ACCSL: variants seen among roughly 807,000 people sequenced by gnomAD.
The protein encoded by ACCSL is 1-aminocyclopropane-1-carboxylate synthase homolog (inactive) like, also known as probable inactive 1-aminocyclopropane-1-carboxylate synthase-like protein 2.
Under a neutral mutation model 61.7 loss-of-function variants are expected in ACCSL, and 55 were observed. The observed-to-expected ratio is 0.89, with a 90% confidence interval of 0.72 to 1.12. ACCSL has a LOEUF of 1.12. Among genes scored for constraint, ACCSL ranks in the 50% most tolerant of loss-of-function variants. The pLI is 0.00. For synonymous variants in ACCSL, 258 were observed against 264.3 expected (o/e 0.98, Z 0.23); for missense variants, 632 against 698.0 (o/e 0.91, Z 1.07).
At chr11:43,972,873 G>C in the ACCSL span, among the ~76,000 whole-genome samples, 1 of 152,172 alleles carries the variant, frequency 6.6e-6, no homozygotes, top group Non-Finnish European at 1.5e-5. Context: ...TTGGGTTTGA[G>C]GCCTCACACC....
the ACCSL span, among the ~76,000 whole-genome samples, chr11:43,940,893 A>G: frequency 6.6e-6 from 1 of 152,176 alleles, no homozygotes; most frequent in Non-Finnish European, 1.5e-5. Flanking sequence ...AAACCGCTGC[A>G]GTGTAGTGGC....
the ACCSL span, among the ~76,000 whole-genome samples, chr11:43,946,378 G>A: frequency 6.6e-6 from 1 of 152,066 alleles, no homozygotes; most frequent in Non-Finnish European, 1.5e-5. Flanking sequence ...GATTACAGGC[G>A]TGAGCCACCA....
At chr11:43,996,668 C>G in the ACCSL span, among the ~76,000 whole-genome samples, 7 of 152,148 alleles carry the variant, frequency 4.6e-5, no homozygotes, top group African/African-American at 1.7e-4. Context: ...GTTCTCTCTC[C>G]CAGAGGAAAG....
chr11:44,019,897 C>T, the ACCSL span, among the ~76,000 whole-genome samples: 6 of 152,220 alleles, frequency 3.9e-5, no homozygotes, highest in Non-Finnish European at 8.8e-5. Flanking sequence ...TACATTTAGA[C>T]CTCTGATCCA....
the ACCSL span, among the ~76,000 whole-genome samples, chr11:43,979,807 A>G: frequency 2.0e-5 from 3 of 148,576 alleles, no homozygotes; most frequent in Non-Finnish European, 4.4e-5. Flanking sequence ...AGATTGCGCG[A>G]CTGTGCTCCA....
chr11:43,942,964 G>A, the ACCSL span: 8 of 1,485,348 alleles, frequency 5.4e-6, no homozygotes, highest in African/African-American at 7.3e-5. Context: ...CGGTGATGCC[G>A]CACTTCGTGT....
At chr11:44,053,653 G>A in intron 8 of ACCSL, 147 bp downstream of exon 8, 1 of 682,802 alleles carries the variant, frequency 1.5e-6, no homozygotes, top group East Asian at 2.8e-5. Flanking sequence ...CTTGAGGTCA[G>A]GAGTTCGAGA....
chr11:44,054,797 G>C (rs1047922427), intron 8 of ACCSL, among the ~76,000 whole-genome samples: 2 of 152,088 alleles, frequency 1.3e-5, no homozygotes, highest in Non-Finnish European at 2.9e-5. Flanking sequence ...CAGTACTGAG[G>C]GTTGTTGGGA....
chr11:44,003,506 AGCTG>A, the ACCSL span, among the ~76,000 whole-genome samples: 1 of 152,024 alleles, frequency 6.6e-6, no homozygotes, highest in African/African-American at 2.4e-5. Flanking sequence ...TACAAAAATT[AGCTG>A]GGTGTGGTGG....
the ACCSL span, among the ~76,000 whole-genome samples, chr11:44,016,515 A>T: frequency 6.6e-6 from 1 of 152,146 alleles, no homozygotes; most frequent in African/African-American, 2.4e-5. Flanking sequence ...TTTTGGGGAA[A>T]CAAGGCCCCT....
chr11:43,951,179 A>C, the ACCSL span, among the ~76,000 whole-genome samples: 1 of 152,216 alleles, frequency 6.6e-6, no homozygotes, highest in Non-Finnish European at 1.5e-5. Context: ...AATTATTCCA[A>C]GAAAGTCAGG....
At chr11:43,942,980 G>T in the ACCSL span, 2 of 1,502,870 alleles carry the variant, frequency 1.3e-6, no homozygotes, top group African/African-American at 2.9e-5. Flanking sequence ...CGTGTGCCTG[G>T]CCGACGAGTT....
the ACCSL span, among the ~76,000 whole-genome samples, chr11:43,965,804 T>C: frequency 1.3e-5 from 2 of 152,168 alleles, no homozygotes; most frequent in African/African-American, 4.8e-5. Context: ...CATACATCTA[T>C]AGTCAATTGT....
At chr11:43,922,468 A>C in the ACCSL span, among the ~76,000 whole-genome samples, 1 of 152,178 alleles carries the variant, frequency 6.6e-6, no homozygotes, top group Non-Finnish European at 1.5e-5. Context: ...TTGTTCCCTG[A>C]CTTTCCTGTT....
At chr11:43,952,309 G>A in the ACCSL span, among the ~76,000 whole-genome samples, 1 of 152,130 alleles carries the variant, frequency 6.6e-6, no homozygotes, top group African/African-American at 2.4e-5. Flanking sequence ...TCGCTTATAA[G>A]TGAGAACGTG....
upstream of ACCSL, among the ~76,000 whole-genome samples, chr11:44,043,348 T>C (rs752436870): frequency 6.6e-6 from 1 of 152,242 alleles, no homozygotes; most frequent in Non-Finnish European, 1.5e-5. Flanking sequence ...GTGGAAATAC[T>C]GATCCTGTGA....
At chr11:43,942,886 CG>C in the ACCSL span, 1 of 1,322,556 alleles carries the variant, frequency 7.6e-7, no homozygotes, top group Non-Finnish European at 9.6e-7. Context: ...CGCCCGGCCC[CG>C]CAGACGCCGG....
chr11:43,985,570 G>A, the ACCSL span, among the ~76,000 whole-genome samples: 1 of 152,216 alleles, frequency 6.6e-6, no homozygotes, highest in Admixed American at 6.5e-5. Flanking sequence ...CCCCAGGACA[G>A]CACTGGGCTA....
the ACCSL span, among the ~76,000 whole-genome samples, chr11:43,978,794 T>G: frequency 7.6e-5 from 11 of 145,524 alleles, no homozygotes; most frequent in East Asian, 1.0e-3. Flanking sequence ...TTTTTTTTTT[T>G]TTTTTTTTTT....
Sources: allele counts gnomAD v4.1 joint callset (sites outside exome capture counted in the v4.1 genomes callset), GRCh38; gene constraint gnomAD v4.1.1; transcripts MANE v1.5; gene names NCBI Gene and HGNC (gene_info 2026-07-23, HGNC 2026-07-21).